CHN2: variants seen among roughly 807,000 people sequenced by gnomAD.
CHN2 encodes the protein chimerin 2, also known as beta-chimaerin.
A neutral mutation model predicts 56.3 loss-of-function variants in CHN2; 35 were observed. That is an observed-to-expected ratio of 0.62 (90% CI 0.47 to 0.82). The LOEUF is 0.82. Ranked by LOEUF, CHN2 falls within the 40% of genes least tolerant of loss-of-function variation. The pLI is 0.00. For missense variants in CHN2, 491 were observed against 580.5 expected, an observed-to-expected ratio of 0.85 and a Z score of 1.58; for synonymous variants, 210 against 212.8, an observed-to-expected ratio of 0.99 and a Z score of 0.12.
chr7:29,452,949 A>G (rs1424960943), intron 6 of CHN2, among the ~76,000 whole-genome samples: 2 of 152,206 alleles, frequency 1.3e-5, no homozygotes, highest in Non-Finnish European at 2.9e-5. Flanking sequence ...TTCCTTACCT[A>G]TAAAAATAAA....
chr7:29,261,616 A>G lies in CHN2; in HGVS notation c.49+66626A>G, dbSNP rs1023594369. 1.4e-4 allele frequency among the ~76,000 whole-genome samples: 21 copies of G among 152,374 alleles called. No individual in the cohort carries two copies. The East Asian group carries it at 3.5e-3, about 25-fold the overall frequency. On this transcript the variant is annotated intron_variant, in intron 1 of 12. Coordinates refer to ENST00000222792, the MANE Select transcript of CHN2 (RefSeq NM_004067.4). The stretch of plus-strand genomic sequence containing the variant: ...CTTTGCCTTATACTGGAATCCTTAC[A>G]AAGGTCTTTTGCCTTAACTAGAACT...
intron 6 of CHN2, among the ~76,000 whole-genome samples, chr7:29,411,534 G>A (rs1803216217): frequency 6.6e-6 from 1 of 152,144 alleles, no homozygotes; most frequent in Non-Finnish European, 1.5e-5. Context: ...GTGGATTTGT[G>A]ATTCAAGGCC....
At chr7:29,150,465 GGA>G (rs1468377134) in intron 2 of CHN2, among the ~76,000 whole-genome samples, 1 of 152,076 alleles carries the variant, frequency 6.6e-6, no homozygotes, top group Non-Finnish European at 1.5e-5. Flanking sequence ...AATTGTATCT[GGA>G]CACCACACAA....
At chr7:29,149,716 CG>C (rs1379221354) in intron 2 of CHN2, among the ~76,000 whole-genome samples, 1 of 152,026 alleles carries the variant, frequency 6.6e-6, no homozygotes, top group Non-Finnish European at 1.5e-5. Context: ...GATCCTTCCT[CG>C]CTGCTTCTAG....
chr7:29,472,896 CAT>C (rs1786227634), intron 6 of CHN2, among the ~76,000 whole-genome samples: 1 of 152,248 alleles, frequency 6.6e-6, no homozygotes, highest in East Asian at 1.9e-4. Flanking sequence ...GTCTGCCACA[CAT>C]GTGGTGCCAG....
At chr7:29,317,542 G>C (rs571721856) in intron 1 of CHN2, among the ~76,000 whole-genome samples, 1 of 152,310 alleles carries the variant, frequency 6.6e-6, no homozygotes, top group East Asian at 1.9e-4. Flanking sequence ...AAGTCTCCAG[G>C]TGATATACAT....
intron 2 of CHN2, among the ~76,000 whole-genome samples, chr7:29,159,968 T>C (rs767320656): frequency 6.6e-6 from 1 of 152,198 alleles, no homozygotes; most frequent in Non-Finnish European, 1.5e-5. Flanking sequence ...GTGCACGTCA[T>C]TTTCTGGTTG....
chr7:29,310,093 T>A (rs1444136447), intron 1 of CHN2, among the ~76,000 whole-genome samples: 2 of 152,220 alleles, frequency 1.3e-5, no homozygotes, highest in African/African-American at 2.4e-5. Flanking sequence ...AAACTACATT[T>A]AACTTACTTT....
chr7:29,147,159 G>A (rs776478230), intron 2 of CHN2: 3 of 711,750 alleles, frequency 4.2e-6, no homozygotes, highest in Middle Eastern at 4.0e-4. Flanking sequence ...CCACCACCAG[G>A]TGCTGGGCAT....
At chr7:29,149,679 G>A (rs549451760) in intron 2 of CHN2, among the ~76,000 whole-genome samples, 22 of 152,264 alleles carry the variant, frequency 1.4e-4, no homozygotes, top group Middle Eastern at 3.4e-3. Flanking sequence ...AGCAGGGCCA[G>A]GTTCCCTCTG....
intron 6 of CHN2, among the ~76,000 whole-genome samples, chr7:29,455,120 T>A (rs956656604): frequency 1.3e-5 from 2 of 152,150 alleles, no homozygotes; most frequent in Non-Finnish European, 2.9e-5. Context: ...GATTCCAGGC[T>A]ACGGATGTAA....
At position 29,326,244 on chromosome 7, in the gene CHN2, G is replaced by A. The variant is rs537091435; in HGVS notation, c.50-28381G>A. 9.3e-4 allele frequency among the ~76,000 whole-genome samples: 142 copies of A among 152,160 alleles called. 5 individuals are homozygous for A. The South Asian group carries it at 0.026, about 28-fold the overall frequency. On this transcript the variant is annotated intron_variant, in intron 1 of 12. Transcript: ENST00000222792. ...GCAATCTCGAATCACAGCAACCTCC[G>A]CTTCCTGGGTTAAAGCGATTCTCCT...
intron 1 of CHN2, among the ~76,000 whole-genome samples, chr7:29,263,950 C>G (rs552359516): frequency 0.026 from 3,546 of 138,410 alleles, 138 homozygotes; most frequent in African/African-American, 0.097. Context: ...CCCGCCCGGC[C>G]AGCCGCCCCG....
chr7:29,354,288 C>G (rs985768774), intron 1 of CHN2, among the ~76,000 whole-genome samples: 1 of 152,216 alleles, frequency 6.6e-6, no homozygotes, highest in Non-Finnish European at 1.5e-5. Context: ...TATATGTTTA[C>G]TATGCCAAGT....
intron 3 of CHN2, among the ~76,000 whole-genome samples, chr7:29,375,190 C>CTTTTTTT (rs70980534): frequency 2.6e-5 from 2 of 77,908 alleles, no homozygotes; most frequent in Admixed American, 1.5e-4. Flanking sequence ...GTGCTCGGCC[C>CTTTTTTT]TTTTTTTTTT....
At chr7:29,324,394 A>C (rs1310355965) in intron 1 of CHN2, among the ~76,000 whole-genome samples, 1 of 152,112 alleles carries the variant, frequency 6.6e-6, no homozygotes, top group African/African-American at 2.4e-5. Flanking sequence ...CCATAGCCTA[A>C]ATGTCTCTCA....
At chr7:29,225,845 C>T (rs1250813711) in intron 1 of CHN2, among the ~76,000 whole-genome samples, 1 of 152,120 alleles carries the variant, frequency 6.6e-6, no homozygotes, top group Non-Finnish European at 1.5e-5. Flanking sequence ...CTGAGCATTA[C>T]TGTAGTTAAA....
At chr7:29,479,829 G>A (rs1438604144) in intron 6 of CHN2, 3 of 1,283,888 alleles carry the variant, frequency 2.3e-6, no homozygotes, top group Non-Finnish European at 3.0e-6. Context: ...TGGCTGACTG[G>A]ATACCGCTTC....
intron 1 of CHN2, among the ~76,000 whole-genome samples, chr7:29,305,832 C>CTCCTCG (rs1465837315): frequency 6.6e-6 from 1 of 151,928 alleles, no homozygotes; most frequent in Non-Finnish European, 1.5e-5. Flanking sequence ...CCTCCTCCTC[C>CTCCTCG]TCCTCCTTTT....
Sources: allele counts gnomAD v4.1 joint callset (sites outside exome capture counted in the v4.1 genomes callset), GRCh38; gene constraint gnomAD v4.1.1; transcripts MANE v1.5; gene names NCBI Gene and HGNC (gene_info 2026-07-23, HGNC 2026-07-21).